The following IFT80 variants were observed in gnomAD, a reference collection of about 807,000 sequenced individuals.
IFT80 encodes the protein intraflagellar transport 80.
Under a neutral mutation model 107.9 loss-of-function variants are expected in IFT80, and 79 were observed. The observed-to-expected ratio is 0.73, with a 90% CI of 0.61 to 0.88. The LOEUF is 0.88. Ranked by LOEUF, IFT80 falls within the 40% of genes least tolerant of loss-of-function variation. The pLI, the probability that IFT80 is intolerant of heterozygous loss-of-function variation, is 0.00. For synonymous variants in IFT80, 299 were observed against 300.9 expected, an observed-to-expected ratio of 0.99 and a Z score of 0.07; for missense variants, 797 against 914.2, an observed-to-expected ratio of 0.87 and a Z score of 1.65.
intron 12 of IFT80, among the ~76,000 whole-genome samples, chr3:160,291,860 G>A (rs1351576733): frequency 6.6e-6 from 1 of 152,184 alleles, no homozygotes. Context: ...TGGAATTGAC[G>A]AGCAAATACC....
intron 2 of IFT80, 63 bp downstream of exon 2, chr3:160,384,501 G>A: frequency 1.5e-6 from 2 of 1,379,298 alleles, no homozygotes; most frequent in South Asian, 1.4e-5. Flanking sequence ...ATAAAATAGA[G>A]AAACTTTTAA....
At chr3:160,394,411 C>A (rs1176394233) in intron 1 of IFT80, 1 of 152,032 alleles carries the variant, frequency 6.6e-6, no homozygotes, top group African/African-American at 2.4e-5. Context: ...CGCATGTGGC[C>A]CATGGATCGT....
At chr3:160,265,340 G>GT (rs1002749274) in intron 19 of IFT80, among the ~76,000 whole-genome samples, 12 of 152,150 alleles carry the variant, frequency 7.9e-5, no homozygotes, top group African/African-American at 2.9e-4. Flanking sequence ...GCCTAAAGTG[G>GT]TTTGTCCTAA....
intron 10 of IFT80, among the ~76,000 whole-genome samples, chr3:160,306,345 T>C (rs1408265150): frequency 1.1e-4 from 16 of 152,274 alleles, no homozygotes; most frequent in Non-Finnish European, 5.9e-5. Flanking sequence ...AGTAGAATAA[T>C]GGGGAAGTTA....
chr3:160,351,159 T>C (rs1720671345), intron 8 of IFT80, among the ~76,000 whole-genome samples: 1 of 151,986 alleles, frequency 6.6e-6, no homozygotes, highest in Non-Finnish European at 1.5e-5. Context: ...CGTCAGACTA[T>C]TTTTCTGTTC....
intron 8 of IFT80, among the ~76,000 whole-genome samples, chr3:160,337,390 C>A (rs1033640468): frequency 6.6e-6 from 1 of 152,114 alleles, no homozygotes; most frequent in East Asian, 1.9e-4. Flanking sequence ...CTGTGGGAGG[C>A]TGAGGCAGGT....
intron 3 of IFT80, 35 bp from the exon 4 acceptor site, chr3:160,377,575 T>G (rs991058594): frequency 1.5e-6 from 2 of 1,310,970 alleles, no homozygotes; most frequent in African/African-American, 2.9e-5. Flanking sequence ...TCTATTTTAT[T>G]TATTCAATCA....
At chr3:160,393,431 T>C (rs1442959544) in intron 1 of IFT80, among the ~76,000 whole-genome samples, 1 of 152,134 alleles carries the variant, frequency 6.6e-6, no homozygotes, top group African/African-American at 2.4e-5. Flanking sequence ...AAAGGACAAA[T>C]ACTGTATGAA....
At chr3:160,295,274 T>A (rs1715884307) in intron 12 of IFT80, among the ~76,000 whole-genome samples, 1 of 152,112 alleles carries the variant, frequency 6.6e-6, no homozygotes, top group Non-Finnish European at 1.5e-5. Flanking sequence ...TGCAAAATAG[T>A]ACAGCCACTG....
chr3:160,331,693 G>A (rs902639515), intron 8 of IFT80, among the ~76,000 whole-genome samples: 5 of 151,618 alleles, frequency 3.3e-5, no homozygotes, highest in Admixed American at 6.6e-5. Flanking sequence ...CAATGTCTTG[G>A]TCTGTCATCC....
intron 16 of IFT80, 137 bp from the exon 17 acceptor site, chr3:160,277,807 C>A: frequency 1.6e-6 from 1 of 642,438 alleles, no homozygotes; most frequent in Non-Finnish European, 2.8e-6. Context: ...TTAAAAAAAA[C>A]TAATAATGTG....
chr3:160,376,799 G>C (rs770696826), intron 4 of IFT80, among the ~76,000 whole-genome samples: 6 of 152,170 alleles, frequency 3.9e-5, no homozygotes, highest in Non-Finnish European at 7.4e-5. Flanking sequence ...AATTAATTAA[G>C]GTCTCCTGTC....
At position 160,284,773 on chromosome 3, in the gene IFT80, A is replaced by G. The variant is rs559814105; in HGVS notation, c.1380+1031T>C. 1.5e-4 allele frequency among the ~76,000 whole-genome samples: 23 copies of G among 152,322 alleles called. No homozygotes were observed. In the South Asian group the frequency reaches 4.6e-3, roughly 30 times the overall value. Reference sequence around the variant, plus strand: ...AAAGCACTTTATGTATAGATATGGAACTATCTCCAGAAAGACAGTATTATA... The same window carrying G: ...AAAGCACTTTATGTATAGATATGGAGCTATCTCCAGAAAGACAGTATTATA... On this transcript the variant is annotated intron_variant, in intron 13 of 19. Coordinates refer to ENST00000326448, the MANE Select transcript of IFT80 (RefSeq NM_020800.3).
At chr3:160,283,440 A>T (rs1039523696) in intron 13 of IFT80, among the ~76,000 whole-genome samples, 5 of 152,226 alleles carry the variant, frequency 3.3e-5, no homozygotes, top group African/African-American at 1.2e-4. Flanking sequence ...CACTTTTTAA[A>T]GTAAAACAAA....
chr3:160,301,220 T>C (rs1202359891), intron 11 of IFT80, among the ~76,000 whole-genome samples, 174 bp from the exon 12 acceptor site: 4 of 152,006 alleles, frequency 2.6e-5, no homozygotes, highest in South Asian at 2.1e-4. Flanking sequence ...CATTGGTTGT[T>C]TTGGTTTGTT....
chr3:160,333,895 A>G (rs1016174218), intron 8 of IFT80, among the ~76,000 whole-genome samples: 4 of 152,220 alleles, frequency 2.6e-5, no homozygotes, highest in African/African-American at 9.6e-5. Flanking sequence ...ACATAATTGT[A>G]TGTACTGTAC....
intron 8 of IFT80, among the ~76,000 whole-genome samples, chr3:160,321,179 T>A (rs1287382027): frequency 1.3e-5 from 2 of 151,974 alleles, no homozygotes; most frequent in Non-Finnish European, 2.9e-5. Flanking sequence ...CATATAATAT[T>A]TGAAGTCATC....
chr3:160,276,448 C>G (rs1178075073), intron 18 of IFT80, among the ~76,000 whole-genome samples: 1 of 152,048 alleles, frequency 6.6e-6, no homozygotes, highest in Non-Finnish European at 1.5e-5. Flanking sequence ...TTGACAGATA[C>G]AGGGGTTATT....
At chr3:160,359,496 G>A (rs998926196) in intron 6 of IFT80, among the ~76,000 whole-genome samples, 5 of 152,092 alleles carry the variant, frequency 3.3e-5, no homozygotes, top group Admixed American at 6.6e-5. Context: ...CTCCCAGCAC[G>A]GCGTTTGAGC....
Sources: gnomAD v4.1 joint callset for allele counts (sites outside exome capture counted in the v4.1 genomes callset) on GRCh38, gnomAD v4.1.1 for gene constraint, MANE v1.5 for transcripts, NCBI Gene and HGNC (gene_info 2026-07-23, HGNC 2026-07-21) for gene names.